Variants in AFF2 observed in about 807,000 individuals in gnomAD.
AFF2 encodes AF4/FMR2 family member 2.
Under a neutral mutation model 76.9 loss-of-function variants are expected in AFF2, and 14 were observed. The observed-to-expected ratio is 0.18, with a 90% CI of 0.12 to 0.28. The LOEUF is 0.28. Among genes scored for constraint, AFF2 ranks in the 10% least tolerant of loss-of-function variants. The pLI, the probability that AFF2 is intolerant of heterozygous loss-of-function variation, is 1.00. For missense variants in AFF2, 868 were observed against 1,001.1 expected (o/e 0.87, Z 1.79); for synonymous variants, 398 against 366.7 (o/e 1.09, Z -0.98).
rs144193057 is a variant in AFF2, at chrX:148,703,444, T to C, written c.1041+40676T>C. Among the ~76,000 whole-genome samples the C allele has an allele frequency of 7.4e-3, 827 of 112,210 alleles. 12 individuals are homozygous for C. The highest frequency in any genetic ancestry group is 0.025 in the African/African-American group (764 of 30,837). On this transcript the variant is annotated intron_variant, in intron 3 of 20. Coordinates refer to ENST00000370460, the MANE Select transcript of AFF2 (RefSeq NM_002025.4). ...ATATCTGTTTCCCACGTTTCAGGTG[T>C]GTGCATATCCCAGGAAAAATAATTG...
chrX:148,833,610 A>T lies in AFF2; in HGVS notation c.1087-4037A>T, dbSNP rs983352333. 2.3e-3 allele frequency among the ~76,000 whole-genome samples: 251 copies of T among 109,732 alleles called. 1 individual carries two copies. The highest frequency in any genetic ancestry group is 7.3e-3 in the African/African-American group (221 of 30,182). On this transcript the variant is annotated intron_variant, in intron 4 of 20. Coordinates refer to ENST00000370460, the MANE Select transcript of AFF2 (RefSeq NM_002025.4). ...GAGTGAGACGCTGTCTCAAAAAAAAAAAAAATAAAAAATAAAAAATTAGTA... is the reference window on the plus strand; with the variant it reads ...GAGTGAGACGCTGTCTCAAAAAAAATAAAAATAAAAAATAAAAAATTAGTA...
rs1473098487 is a variant in AFF2, at chrX:148,996,003, C to T, written c.*4671C>T. ...GTTCTCCAGTCTCTGCAGCAGGAAG[C>T]CAGCTGTCATATTCGGAGGGAATTT... is the stretch of plus-strand genomic sequence containing the variant. On this transcript the variant is annotated 3_prime_UTR_variant, in exon 21 of 21. Coordinates refer to ENST00000370460, the MANE Select transcript of AFF2 (RefSeq NM_002025.4). 8.9e-6 allele frequency: 1 copy of T among 112,689 alleles called. No individual in the cohort carries two copies. Among genetic ancestry groups the T allele is most frequent in the African/African-American group, 3.2e-5 (1 of 30,998 alleles). 9.3% of individuals were successfully genotyped at this position (112,689 alleles called of 1,213,427 possible). A position where few individuals can be genotyped will look rare whatever the true frequency, so the allele number is the denominator to read the frequency against.
intron 8 of AFF2, among the ~76,000 whole-genome samples, chrX:148,890,687 T>C (rs2071212887): frequency 8.9e-6 from 1 of 112,195 alleles, no homozygotes; most frequent in African/African-American, 3.2e-5. Flanking sequence ...AAAAGAGTTT[T>C]TCTTCCAAGG....
chrX:148,615,247 A>G (rs1313287515), intron 1 of AFF2, among the ~76,000 whole-genome samples: 2 of 112,127 alleles, frequency 1.8e-5, no homozygotes, highest in African/African-American at 6.5e-5. Context: ...AAGAAATGCA[A>G]CAATGCACTG....
intron 3 of AFF2, among the ~76,000 whole-genome samples, chrX:148,802,201 G>T (rs782197255): frequency 2.7e-5 from 3 of 112,417 alleles, no homozygotes; most frequent in Non-Finnish European, 3.7e-5. Context: ...AAAGCAGAGT[G>T]TTAATAAAAT....
chrX:148,516,211 A>G (rs2052532756), intron 1 of AFF2, among the ~76,000 whole-genome samples: 1 of 111,911 alleles, frequency 8.9e-6, no homozygotes, highest in Admixed American at 9.5e-5. Context: ...AACTCTGTCT[A>G]GATATGCAGG....
intron 7 of AFF2, among the ~76,000 whole-genome samples, chrX:148,860,334 T>G (rs1182727862): frequency 3.6e-5 from 4 of 111,961 alleles, no homozygotes; most frequent in Non-Finnish European, 5.6e-5. Context: ...TTGAGAAAAT[T>G]AGATCAGTTT....
chrX:148,646,042 CAT>C (rs1370784374), intron 1 of AFF2, among the ~76,000 whole-genome samples: 1 of 112,099 alleles, frequency 8.9e-6, no homozygotes, highest in African/African-American at 3.2e-5. Context: ...CAAAAAACCA[CAT>C]GTTGCATAAT....
chrX:148,959,280 A>ACAATCATG (rs1344922526), intron 12 of AFF2, among the ~76,000 whole-genome samples: 1 of 111,119 alleles, frequency 9.0e-6, no homozygotes, highest in Admixed American at 9.5e-5. Flanking sequence ...CACTTAACTA[A>ACAATCATG]CAATCATGTC....
intron 3 of AFF2, among the ~76,000 whole-genome samples, chrX:148,788,300 CA>C (rs1468271726): frequency 8.9e-6 from 1 of 112,020 alleles, no homozygotes; most frequent in East Asian, 2.8e-4. Flanking sequence ...AGTAAAAATG[CA>C]TACTAAACAA....
At chrX:148,716,014 T>C (rs1338042560) in intron 3 of AFF2, among the ~76,000 whole-genome samples, 3 of 111,225 alleles carry the variant, frequency 2.7e-5, no homozygotes, top group Middle Eastern at 4.2e-3. Flanking sequence ...TCTCTCTCTC[T>C]GTGTGTGTGT....
intron 5 of AFF2, among the ~76,000 whole-genome samples, chrX:148,842,618 G>A (rs2070614345): frequency 1.8e-5 from 2 of 112,148 alleles, no homozygotes; most frequent in South Asian, 7.4e-4. Context: ...TTCCAGCTAA[G>A]TGAGAAATTA....
chrX:148,585,358 A>G (rs185127153), intron 1 of AFF2, among the ~76,000 whole-genome samples: 5 of 112,019 alleles, frequency 4.5e-5, no homozygotes, highest in Non-Finnish European at 9.4e-5. Context: ...CATTGCTCTA[A>G]GCATAAGTTA....
intron 3 of AFF2, among the ~76,000 whole-genome samples, chrX:148,775,859 T>C (rs1233094023): frequency 5.4e-5 from 3 of 55,285 alleles, no homozygotes; most frequent in African/African-American, 8.3e-5. Context: ...TCAAGATCCT[T>C]AACTTTTTTT....
Position 148,962,938 on chromosome X carries a change from G to T in AFF2, c.2913+1G>T, listed in dbSNP as rs2072128787. 5.2e-6 allele frequency: 6 copies of T among 1,143,070 alleles called. No individual in the cohort carries two copies. The highest frequency in any genetic ancestry group is 3.0e-5 in the East Asian group (1 of 33,529). The allele number at this position is 1,143,070 out of a possible 1,213,427, so 94.2% of individuals were successfully genotyped here. On this transcript the variant is annotated splice_donor_variant, in intron 13 of 20. Transcript: ENST00000370460. LOFTEE classifies it high-confidence loss of function. ...TACTTTCAAAGGGATATCGGTAAATGTAAGCATCTTGGAAGAAATATTATT... is the reference window on the plus strand; with the variant it reads ...TACTTTCAAAGGGATATCGGTAAATTTAAGCATCTTGGAAGAAATATTATT...
chrX:148,933,163 A>C (rs188466436), intron 9 of AFF2, among the ~76,000 whole-genome samples: 29 of 112,019 alleles, frequency 2.6e-4, no homozygotes, highest in Non-Finnish European at 4.7e-4. Flanking sequence ...GCAGGGAAGA[A>C]CATTTCAGGA....
intron 16 of AFF2, among the ~76,000 whole-genome samples, chrX:148,973,870 G>A (rs1256195572): frequency 1.8e-5 from 2 of 111,897 alleles, no homozygotes; most frequent in African/African-American, 6.5e-5. Context: ...TGGAAATGTA[G>A]TGGGTAGAAA....
At chrX:148,942,155 C>T (rs1028581196) in intron 9 of AFF2, among the ~76,000 whole-genome samples, 6 of 107,483 alleles carry the variant, frequency 5.6e-5, no homozygotes, top group Non-Finnish European at 1.1e-4. Flanking sequence ...GCGATGACTT[C>T]ATATTATTTG....
chrX:148,714,378 C>T (rs2055003443), intron 3 of AFF2, among the ~76,000 whole-genome samples: 1 of 111,449 alleles, frequency 9.0e-6, no homozygotes, highest in Admixed American at 9.6e-5. Flanking sequence ...CTTTGTTTTC[C>T]ATCTCAGACT....
Sources: gnomAD v4.1 joint callset for allele counts (sites outside exome capture counted in the v4.1 genomes callset) on GRCh38, gnomAD v4.1.1 for gene constraint, MANE v1.5 for transcripts, NCBI Gene and HGNC (gene_info 2026-07-23, HGNC 2026-07-21) for gene names.